BMPR2: variants seen among roughly 807,000 people sequenced by gnomAD.
BMPR2 encodes bone morphogenetic protein receptor type-2.
A neutral mutation model predicts 100.8 loss-of-function variants in BMPR2; 29 were observed. That is an observed-to-expected ratio of 0.29 (90% CI 0.21 to 0.39). BMPR2 has a LOEUF of 0.39. Ranked by LOEUF, BMPR2 falls within the 10% of genes least tolerant of loss-of-function variation. The probability of loss-of-function intolerance (pLI) is 1.00; values close to 1 mark genes in which losing one functional copy is unlikely to be tolerated. For missense variants in BMPR2, 1,011 were observed against 1,274.5 expected, an observed-to-expected ratio of 0.79 and a Z score of 3.15; for synonymous variants, 382 against 442.3, an observed-to-expected ratio of 0.86 and a Z score of 1.71.
At chr2:202,484,989 G>C (rs1171033799) in intron 3 of BMPR2, among the ~76,000 whole-genome samples, 4 of 125,114 alleles carry the variant, frequency 3.2e-5, no homozygotes, top group Non-Finnish European at 7.1e-5. Flanking sequence ...AAAAAAAAAA[G>C]AAAGAAAGAA....
At chr2:202,552,274 G>T (rs1468588471) in intron 10 of BMPR2, among the ~76,000 whole-genome samples, 1 of 152,210 alleles carries the variant, frequency 6.6e-6, no homozygotes, top group Admixed American at 6.5e-5. Context: ...ATAGGCGTGA[G>T]CCACTGCGCC....
chr2:202,486,955 C>G (rs1378418205), intron 3 of BMPR2, among the ~76,000 whole-genome samples: 2 of 152,110 alleles, frequency 1.3e-5, no homozygotes, highest in Non-Finnish European at 2.9e-5. Context: ...ACCTGAGCCC[C>G]AGGGAGATGG....
intron 10 of BMPR2, among the ~76,000 whole-genome samples, chr2:202,548,388 G>A (rs1433163094): frequency 6.6e-6 from 1 of 152,024 alleles, no homozygotes; most frequent in Non-Finnish European, 1.5e-5. Context: ...GGAATGTGAA[G>A]CTGTAGTACA....
intron 1 of BMPR2, among the ~76,000 whole-genome samples, chr2:202,422,002 A>G (rs6435150): frequency 0.33 from 50,082 of 151,716 alleles, 9,214 homozygotes; most frequent in African/African-American, 0.5. Flanking sequence ...TCCGCCTGCC[A>G]GGTTCAAGCG....
chr2:202,530,390 GA>G (rs1290237869), intron 7 of BMPR2, among the ~76,000 whole-genome samples: 5 of 152,042 alleles, frequency 3.3e-5, no homozygotes. Flanking sequence ...AGCAGTTTAA[GA>G]TTTACGTTAA....
At chr2:202,427,900 G>C (rs1004767416) in intron 1 of BMPR2, among the ~76,000 whole-genome samples, 1 of 152,098 alleles carries the variant, frequency 6.6e-6, no homozygotes, top group Non-Finnish European at 1.5e-5. Flanking sequence ...GATCACTTGA[G>C]CCTGGGAGGT....
At chr2:202,462,040 G>A (rs1692235292) in intron 1 of BMPR2, among the ~76,000 whole-genome samples, 1 of 152,122 alleles carries the variant, frequency 6.6e-6, no homozygotes, top group Admixed American at 6.5e-5. Flanking sequence ...GCATTTTGAA[G>A]AGATGGTCTT....
chr2:202,385,229 C>G (rs1690401845), intron 1 of BMPR2, among the ~76,000 whole-genome samples: 1 of 150,634 alleles, frequency 6.6e-6, no homozygotes, highest in Admixed American at 6.6e-5. Flanking sequence ...GTAGTAGACA[C>G]ACCAGGCTAA....
At chr2:202,531,087 A>G (rs2106018460) in intron 8 of BMPR2, 133 bp downstream of exon 8, 1 of 1,058,786 alleles carries the variant, frequency 9.4e-7, no homozygotes, top group African/African-American at 1.6e-5. Context: ...TGGATCACCT[A>G]AGGTAAAGAG....
chr2:202,560,267 GT>G lies in BMPR2; in HGVS notation c.*322del. On this transcript the variant is annotated 3_prime_UTR_variant, in exon 13 of 13. Transcript: ENST00000374580. ...TTTTAAGAAAAAAAGCAAAAACAATGTATTGCTGATAATCAGTTTGGACCAG... is the reference window on the plus strand; with the variant it reads ...TTTTAAGAAAAAAAGCAAAAACAATGATTGCTGATAATCAGTTTGGACCAG... 3.0e-6 allele frequency: 1 copy of G among 330,116 alleles called. No individual in the cohort carries two copies. The highest frequency in any genetic ancestry group is 3.1e-5 in the South Asian group (1 of 32,778). The allele number at this position is 330,116 out of a possible 1,614,324, so 20.4% of individuals were successfully genotyped here.
At chr2:202,539,597 T>C (rs1206308088) in intron 9 of BMPR2, among the ~76,000 whole-genome samples, 1 of 141,826 alleles carries the variant, frequency 7.1e-6, no homozygotes, top group Non-Finnish European at 1.5e-5. Flanking sequence ...GGAAACACTA[T>C]GTAATGAAGG....
intron 3 of BMPR2, among the ~76,000 whole-genome samples, chr2:202,478,808 C>T (rs1692601338): frequency 6.6e-6 from 1 of 152,094 alleles, no homozygotes; most frequent in Admixed American, 6.6e-5. Context: ...ATGTTGTAGT[C>T]TCAGCTATTT....
At chr2:202,488,513 C>T (rs1401819059) in intron 3 of BMPR2, among the ~76,000 whole-genome samples, 2 of 152,056 alleles carry the variant, frequency 1.3e-5, no homozygotes, top group African/African-American at 2.4e-5. Context: ...GGCTGGAGTG[C>T]GGTGGCATGA....
chr2:202,401,786 A>G (rs969796969), intron 1 of BMPR2, among the ~76,000 whole-genome samples: 1 of 152,162 alleles, frequency 6.6e-6, no homozygotes, highest in Non-Finnish European at 1.5e-5. Flanking sequence ...GAGCCTCAAC[A>G]TAATAATTAA....
At chr2:202,417,568 G>T (rs1574437376) in intron 1 of BMPR2, among the ~76,000 whole-genome samples, 1 of 152,274 alleles carries the variant, frequency 6.6e-6, no homozygotes, top group East Asian at 1.9e-4. Flanking sequence ...CTCCCAGAGT[G>T]CTGGGATTAC....
intron 3 of BMPR2, among the ~76,000 whole-genome samples, chr2:202,470,391 T>G (rs1692411991): frequency 6.6e-6 from 1 of 152,054 alleles, no homozygotes; most frequent in South Asian, 2.1e-4. Context: ...GAAAAATGAT[T>G]TATCCCAAGA....
chr2:202,384,434 G>A (rs1044623846), intron 1 of BMPR2, among the ~76,000 whole-genome samples: 3 of 152,250 alleles, frequency 2.0e-5, no homozygotes, highest in Admixed American at 6.5e-5. Flanking sequence ...ATGGAGTTAG[G>A]TATTTGGGAC....
chr2:202,476,863 C>T (rs1441579787), intron 3 of BMPR2, among the ~76,000 whole-genome samples: 2 of 150,744 alleles, frequency 1.3e-5, no homozygotes, highest in Admixed American at 6.7e-5. Flanking sequence ...CTTCAATATA[C>T]TGTTTTGAGC....
rs941747118 is a variant in BMPR2 at position 202,566,769 on chromosome 2, T to C, written c.*6823T>C. On this transcript the variant is annotated 3_prime_UTR_variant, in exon 13 of 13. Transcript: ENST00000374580. ...AAAATAACCTGTATTTATCACATTG[T>C]CAAACAGAATTTTTCTTTGAATCAG... 1 of 152,154 alleles carries C rather than the reference T, an allele frequency of 6.6e-6. No individual in the cohort carries two copies. Among genetic ancestry groups the C allele is most frequent in the Non-Finnish European group, 1.5e-5 (1 of 68,008 alleles). 9.4% of individuals were successfully genotyped at this position (152,154 alleles called of 1,614,324 possible).
Sources: allele counts gnomAD v4.1 joint callset (sites outside exome capture counted in the v4.1 genomes callset), GRCh38; gene constraint gnomAD v4.1.1; transcripts MANE v1.5; gene names NCBI Gene and HGNC (gene_info 2026-07-23, HGNC 2026-07-21).